Variants in FGGY observed in about 807,000 individuals in gnomAD.
The protein encoded by FGGY is FGGY carbohydrate kinase domain-containing protein.
Under a neutral mutation model 71.3 loss-of-function variants are expected in FGGY, and 72 were observed. That is an observed-to-expected ratio of 1.01 (90% confidence interval 0.84 to 1.23). FGGY has a LOEUF of 1.23. Ranked by LOEUF, FGGY falls within the 50% of genes most tolerant of loss-of-function variation. FGGY has a pLI of 0.00. For missense variants in FGGY, 668 were observed against 682.3 expected (o/e 0.98, Z 0.23); for synonymous variants, 251 against 250.3 (o/e 1.00, Z -0.02).
chr1:59,559,950 C>T (rs1048540933), intron 8 of FGGY, among the ~76,000 whole-genome samples: 2 of 152,144 alleles, frequency 1.3e-5, no homozygotes, highest in African/African-American at 4.8e-5. Context: ...AATGTTCCAC[C>T]ATCAAGGAGG....
chr1:59,615,231 G>A (rs550577596), intron 9 of FGGY, among the ~76,000 whole-genome samples: 252 of 152,230 alleles, frequency 1.7e-3, no homozygotes, highest in Middle Eastern at 3.4e-3. Context: ...GAGACATCAC[G>A]CTACCTGACT....
intron 8 of FGGY, among the ~76,000 whole-genome samples, chr1:59,592,070 A>G (rs998585752): frequency 2.6e-5 from 4 of 152,226 alleles, no homozygotes; most frequent in East Asian, 3.8e-4. Context: ...CAGAATCTAC[A>G]ATGAACTCAA....
At chr1:59,452,329 C>G (rs1037475814) in intron 5 of FGGY, among the ~76,000 whole-genome samples, 2 of 152,184 alleles carry the variant, frequency 1.3e-5, no homozygotes, top group Middle Eastern at 3.4e-3. Flanking sequence ...TGTCATATGT[C>G]ATATTTCATT....
intron 5 of FGGY, among the ~76,000 whole-genome samples, chr1:59,384,883 T>C (rs1165368606): frequency 6.6e-6 from 1 of 152,154 alleles, no homozygotes; most frequent in Non-Finnish European, 1.5e-5. Flanking sequence ...AATATGCCAA[T>C]TCCAAAAAAA....
chr1:59,328,192 A>G (rs2047776151), intron 2 of FGGY, among the ~76,000 whole-genome samples: 2 of 152,214 alleles, frequency 1.3e-5, no homozygotes. Flanking sequence ...TCTTCTTCCA[A>G]TATAAGGCTG....
At chr1:59,560,675 A>G (rs769930356) in intron 8 of FGGY, among the ~76,000 whole-genome samples, 1 of 152,082 alleles carries the variant, frequency 6.6e-6, no homozygotes, top group Non-Finnish European at 1.5e-5. Flanking sequence ...AAGTCTTCAT[A>G]AGATAAAATG....
At chr1:59,512,096 T>C (rs569064248) in intron 6 of FGGY, among the ~76,000 whole-genome samples, 1 of 152,364 alleles carries the variant, frequency 6.6e-6, no homozygotes, top group East Asian at 1.9e-4. Context: ...TAGAGTTCCT[T>C]GTTTGTAAAG....
In FGGY at chr1:59,388,955, CCT is replaced by C. The variant is rs572258399; in HGVS notation, c.554+10121_554+10122del. Reference sequence around the variant, plus strand: ...TCCCCATTTCCCTCTTTACCTATCCCCTCTTTTTTTTAGACAGGGTCTTGCTC... The same window carrying C: ...TCCCCATTTCCCTCTTTACCTATCCCCTTTTTTTTAGACAGGGTCTTGCTC... On this transcript the variant is annotated intron_variant, in intron 5 of 15. Transcript: ENST00000303721. Among the ~76,000 whole-genome samples, 682 of 151,672 alleles carry C rather than the reference CCT, an allele frequency of 4.5e-3. 2 individuals are homozygous for C. The highest frequency in any genetic ancestry group is 6.2e-3 in the Non-Finnish European group (422 of 67,968).
intron 6 of FGGY, among the ~76,000 whole-genome samples, chr1:59,482,951 T>C (rs1385146351): frequency 6.6e-6 from 1 of 152,056 alleles, no homozygotes; most frequent in Non-Finnish European, 1.5e-5. Context: ...CAGAACCACC[T>C]GGGGGGATTC....
At chr1:59,553,880 C>T (rs1571189094) in intron 7 of FGGY, 2 of 365,032 alleles carry the variant, frequency 5.5e-6, no homozygotes, top group East Asian at 8.2e-5. Context: ...CAATTACTGC[C>T]ATTATTATAA....
chr1:59,735,767 T>C (rs2098096229), intron 14 of FGGY, among the ~76,000 whole-genome samples: 2 of 152,222 alleles, frequency 1.3e-5, no homozygotes, highest in Non-Finnish European at 2.9e-5. Flanking sequence ...GTCTCAACTG[T>C]ACTATAGAAA....
At chr1:59,561,847 G>C (rs1234626205) in intron 8 of FGGY, among the ~76,000 whole-genome samples, 1 of 152,160 alleles carries the variant, frequency 6.6e-6, no homozygotes, top group Admixed American at 6.5e-5. Flanking sequence ...CAAAGGCCTA[G>C]AGGAAAGGGA....
At chr1:59,563,568 A>G (rs2095828447) in intron 8 of FGGY, among the ~76,000 whole-genome samples, 1 of 152,218 alleles carries the variant, frequency 6.6e-6, no homozygotes, top group African/African-American at 2.4e-5. Context: ...AAAACATTCC[A>G]TGCTCATGGA....
chr1:59,394,794 C>A (rs931966100), intron 5 of FGGY, among the ~76,000 whole-genome samples: 1 of 152,096 alleles, frequency 6.6e-6, no homozygotes, highest in Non-Finnish European at 1.5e-5. Context: ...GCTCCAAATG[C>A]ACATTATTCA....
intron 5 of FGGY, among the ~76,000 whole-genome samples, chr1:59,390,104 C>T (rs910994013): frequency 6.6e-6 from 1 of 152,138 alleles, no homozygotes; most frequent in Non-Finnish European, 1.5e-5. Flanking sequence ...CATCCTCTCT[C>T]ACCAGCTTAT....
chr1:59,638,235 A>G lies in FGGY; in HGVS notation c.1081A>G (p.Ser361Gly), dbSNP rs772290799. ...AATTCACTTCTCTTCCAGATGCCAG[A>G]GTATATATGCATATTTGAACAGTCA... is the stretch of plus-strand genomic sequence containing the variant. Reference protein sequence around the residue: ...LQVKATARCQSIYAYLNSHLD... With the variant: ...LQVKATARCQGIYAYLNSHLD... Residue 361 changes from serine (S) to glycine (G), a missense_variant, in exon 11 of 16, where the codon AGT becomes GGT. Ser to Gly is a moderately conservative substitution (Grantham distance 56). Coordinates refer to ENST00000303721, the MANE Select transcript of FGGY (RefSeq NM_018291.5). 1 of 1,612,986 alleles carries G rather than the reference A, an allele frequency of 6.2e-7. No homozygotes were observed. The highest frequency in any genetic ancestry group is 1.1e-5 in the South Asian group (1 of 90,758).
intron 6 of FGGY, among the ~76,000 whole-genome samples, chr1:59,480,035 G>A (rs1409499930): frequency 6.6e-6 from 1 of 152,118 alleles, no homozygotes; most frequent in East Asian, 1.9e-4. Context: ...ACCTCAAAAT[G>A]CTACCTAGCC....
At chr1:59,500,723 T>C (rs973638642) in intron 6 of FGGY, among the ~76,000 whole-genome samples, 13 of 139,840 alleles carry the variant, frequency 9.3e-5, no homozygotes, top group Non-Finnish European at 1.6e-4. Flanking sequence ...ATTTCTAAGA[T>C]GAAATGTGTG....
At chr1:59,488,662 T>G (rs979704120) in intron 6 of FGGY, among the ~76,000 whole-genome samples, 1 of 143,206 alleles carries the variant, frequency 7.0e-6, no homozygotes, top group African/African-American at 3.0e-5. Flanking sequence ...TTGTTAAAAC[T>G]CTTCAAATAT....
Sources: gnomAD v4.1 joint callset for allele counts (sites outside exome capture counted in the v4.1 genomes callset) on GRCh38, gnomAD v4.1.1 for gene constraint, MANE v1.5 for transcripts, NCBI Gene and HGNC (gene_info 2026-07-23, HGNC 2026-07-21) for gene names.